MED20: variants seen among roughly 807,000 people sequenced by gnomAD.
MED20 encodes mediator complex subunit 20, also known as mediator of RNA polymerase II transcription subunit 20.
A neutral mutation model predicts 19.7 loss-of-function variants in MED20; 19 were observed. That is an observed-to-expected ratio of 0.96 (90% CI 0.67 to 1.42). MED20 has a LOEUF of 1.42. MED20 is among the 40% of genes most tolerant of loss of function. The probability of loss-of-function intolerance (pLI) is 0.00; values close to 1 mark genes in which losing one functional copy is unlikely to be tolerated. For missense variants in MED20, 225 were observed against 273.0 expected, an observed-to-expected ratio of 0.82 and a Z score of 1.24; for synonymous variants, 105 against 104.8, an observed-to-expected ratio of 1.00 and a Z score of -0.01.
Position 41,909,334 on chromosome 6 carries a change from A to T in MED20, c.358T>A (p.Cys120Ser), listed in dbSNP as rs1357164982. 3.3e-5 allele frequency: 54 copies of T among 1,614,010 alleles called. No homozygotes were observed. The highest frequency in any genetic ancestry group is 4.4e-5 in the Non-Finnish European group (52 of 1,180,026). The change falls in exon 3 of 4, where the codon TGT becomes AGT. Residue 120 changes from cysteine to serine, a missense_variant. Physicochemically the swap from Cys to Ser is moderately radical, Grantham distance 112. Coordinates refer to ENST00000265350, the MANE Select transcript of MED20 (RefSeq NM_004275.5). Reference protein sequence around the residue: ...IETRGTRYQYCDFLVKVGTVT... With the variant: ...IETRGTRYQYSDFLVKVGTVT... Reference sequence around the variant, plus strand: ...GTGCCCACCTTCACCAGGAAGTCACAGTACTGGTACCTGGTGCCCCGGGTC... The same window carrying T: ...GTGCCCACCTTCACCAGGAAGTCACTGTACTGGTACCTGGTGCCCCGGGTC...
At chr6:41,914,848 G>A (rs1183970668) in intron 2 of MED20, among the ~76,000 whole-genome samples, 1 of 152,190 alleles carries the variant, frequency 6.6e-6, no homozygotes, top group African/African-American at 2.4e-5. Flanking sequence ...CCAATGGTTA[G>A]GTGTAAGAAA....
At chr6:41,914,587 T>C (rs1775269194) in intron 2 of MED20, among the ~76,000 whole-genome samples, 3 of 151,632 alleles carry the variant, frequency 2.0e-5, no homozygotes. Context: ...GAGCCAAGAC[T>C]AAGACAAACA....
rs1204907309 is a variant in MED20 at position 41,905,939 on chromosome 6, C to T, written c.*1133G>A. The T allele has an allele frequency of 6.6e-6, 1 of 152,208 alleles. No homozygotes were observed. The highest frequency in any genetic ancestry group is 6.5e-5 in the Admixed American group (1 of 15,276). The allele number at this position is 152,208 out of a possible 1,614,324, so 9.4% of individuals were successfully genotyped here. ...ACTTAGCTCAAAGCGGCTCTGAGATCAGCCCTTCTCTCAAGTCAACTCATA... is the reference window on the plus strand; with the variant it reads ...ACTTAGCTCAAAGCGGCTCTGAGATTAGCCCTTCTCTCAAGTCAACTCATA... On this transcript the variant is annotated 3_prime_UTR_variant, in exon 4 of 4. Transcript: ENST00000265350.
At chr6:41,911,683 G>C (rs914655937) in intron 2 of MED20, among the ~76,000 whole-genome samples, 1 of 151,994 alleles carries the variant, frequency 6.6e-6, no homozygotes, top group Non-Finnish European at 1.5e-5. Context: ...AACTGAAAAG[G>C]GTGCGAGGGC....
chr6:41,917,399 T>TAAA, intron 1 of MED20: 3 of 158,498 alleles, frequency 1.9e-5, no homozygotes, highest in Admixed American at 6.0e-5. Context: ...GACGCCATCT[T>TAAA]AAAAAAAAAA....
chr6:41,916,950 G>A lies in MED20; in HGVS notation c.15-11C>T. The A allele has an allele frequency of 6.2e-7, 1 of 1,613,696 alleles. No homozygotes were observed. Among genetic ancestry groups the A allele is most frequent in the Non-Finnish European group, 8.5e-7 (1 of 1,179,898 alleles). ...GGCATCTGGGACACACTGGAAAGGAGAGCACCAAATCGTCAGTTATCCAGA... is the reference window on the plus strand; with the variant it reads ...GGCATCTGGGACACACTGGAAAGGAAAGCACCAAATCGTCAGTTATCCAGA... On this transcript the variant is annotated splice_polypyrimidine_tract_variant and intron_variant, in intron 1 of 3. Coordinates refer to ENST00000265350, the MANE Select transcript of MED20 (RefSeq NM_004275.5).
Position 41,918,118 on chromosome 6 carries a change from G to A in MED20, c.15-1179C>T, listed in dbSNP as rs1346063489. Among the ~76,000 whole-genome samples, 4 of 152,258 alleles carry A rather than the reference G, an allele frequency of 2.6e-5. No individual in the cohort carries two copies. In the East Asian group the frequency reaches 7.7e-4, roughly 29 times the overall value. Reference sequence around the variant, plus strand: ...AGGTAACCAACTGCCAACCAACAACGTGCCAGACTGCATCCTAAGGCCTTT... The same window carrying A: ...AGGTAACCAACTGCCAACCAACAACATGCCAGACTGCATCCTAAGGCCTTT... On this transcript the variant is annotated intron_variant, in intron 1 of 3. Transcript: ENST00000265350.
Position 41,905,761 on chromosome 6 carries a change from AC to A in MED20, c.*1310del, listed in dbSNP as rs1266350450. On this transcript the variant is annotated 3_prime_UTR_variant, in exon 4 of 4. Transcript: ENST00000265350. The stretch of plus-strand genomic sequence containing the variant: ...TATGTAGTTTGGAGGCTCAAATGAA[AC>A]AGGAGAAAGAGCTCAGGAACCATGA... 3 of 152,244 alleles carry A rather than the reference AC, an allele frequency of 2.0e-5. No individual in the cohort carries two copies. Among genetic ancestry groups the A allele is most frequent in the Non-Finnish European group, 4.4e-5 (3 of 68,058 alleles). The allele number at this position is 152,244 out of a possible 1,614,324, so 9.4% of individuals were successfully genotyped here.
intron 3 of MED20, 45 bp downstream of exon 3, chr6:41,909,224 C>T (rs776283808): frequency 6.3e-7 from 1 of 1,583,446 alleles, no homozygotes; most frequent in South Asian, 1.1e-5. Context: ...CTTTGCTAAG[C>T]AGCCCCCTCA....
Position 41,907,301 on chromosome 6 carries a change from GCA to G in MED20, c.424-16_424-15del. 6.2e-7 allele frequency: 1 copy of G among 1,602,528 alleles called. No homozygotes were observed. Among genetic ancestry groups the G allele is most frequent in the Non-Finnish European group, 8.5e-7 (1 of 1,174,098 alleles). On this transcript the variant is annotated splice_polypyrimidine_tract_variant and intron_variant, in intron 3 of 3. Coordinates refer to ENST00000265350, the MANE Select transcript of MED20 (RefSeq NM_004275.5). Reference sequence around the variant, plus strand: ...GCCATACTCCACCTGGGAACCAAAAGCACAGAGAATGAGGGTGAATGAAGGCT... The same window carrying G: ...GCCATACTCCACCTGGGAACCAAAAGCAGAGAATGAGGGTGAATGAAGGCT...
Position 41,920,950 on chromosome 6 carries a change from T to C in MED20, c.14+55A>G, listed in dbSNP as rs1775448780. The C allele has an allele frequency of 3.1e-5, 50 of 1,592,180 alleles. 1 individual carries two copies. In the South Asian group the frequency reaches 5.1e-4, roughly 16 times the overall value. ...ACGGCGGACCATGGTCAAGGTCCTC[T>C]TTCCGGCCTTTCACAACTCCAAGCC... On this transcript the variant is annotated intron_variant, in intron 1 of 3. Transcript: ENST00000265350.
At chr6:41,908,991 T>C (rs1775121308) in intron 3 of MED20, 2 of 468,950 alleles carry the variant, frequency 4.3e-6, no homozygotes, top group Admixed American at 3.7e-5. Context: ...GAGATCAGCC[T>C]GGGCAACATA....
At position 41,921,113 on chromosome 6, in the gene MED20, C is replaced by T; in HGVS notation, c.-95G>A. 3 of 1,530,338 alleles carry T rather than the reference C, an allele frequency of 2.0e-6. No homozygotes were observed. The highest frequency in any genetic ancestry group is 2.7e-6 in the Non-Finnish European group (3 of 1,119,594). 94.8% of individuals were successfully genotyped at this position (1,530,338 alleles called of 1,614,324 possible). On this transcript the variant is annotated 5_prime_UTR_variant, in exon 1 of 4. Transcript: ENST00000265350. ...TCCTTCAGTTCCCCAACACAACCTT[C>T]TGTCTCAGAAGGGACTCCGGAAATA...
intron 2 of MED20, among the ~76,000 whole-genome samples, chr6:41,915,525 C>G (rs1246584249): frequency 6.6e-6 from 1 of 151,978 alleles, no homozygotes; most frequent in Non-Finnish European, 1.5e-5. Context: ...CGGTGGCTCA[C>G]GCCTATAATC....
intron 3 of MED20, among the ~76,000 whole-genome samples, 156 bp from the exon 4 acceptor site, chr6:41,907,443 A>C (rs754884039): frequency 2.6e-5 from 4 of 152,148 alleles, no homozygotes; most frequent in Non-Finnish European, 5.9e-5. Flanking sequence ...CATTCAACCT[A>C]AACACTGGGC....
At chr6:41,920,550 T>C (rs912191122) in intron 1 of MED20, among the ~76,000 whole-genome samples, 1 of 152,104 alleles carries the variant, frequency 6.6e-6, no homozygotes, top group Non-Finnish European at 1.5e-5. Context: ...GATAGGTTCC[T>C]GGGATAAAAA....
intron 1 of MED20, among the ~76,000 whole-genome samples, chr6:41,920,455 C>G (rs1026119790): frequency 1.3e-5 from 2 of 152,188 alleles, no homozygotes; most frequent in African/African-American, 4.8e-5. Flanking sequence ...GACCCTATTT[C>G]CAACCCTGAG....
chr6:41,911,567 C>T (rs752561880), intron 2 of MED20, among the ~76,000 whole-genome samples: 2 of 151,986 alleles, frequency 1.3e-5, no homozygotes, highest in Non-Finnish European at 1.5e-5. Context: ...TTAAAATGAA[C>T]AAGTCAGCAG....
chr6:41,918,575 A>G (rs1177083831), intron 1 of MED20, among the ~76,000 whole-genome samples: 2 of 151,948 alleles, frequency 1.3e-5, no homozygotes, highest in Non-Finnish European at 2.9e-5. Context: ...GCACTTTGGG[A>G]GGCCAAGGCG....
Sources: gnomAD v4.1 joint callset for allele counts (sites outside exome capture counted in the v4.1 genomes callset) on GRCh38, gnomAD v4.1.1 for gene constraint, MANE v1.5 for transcripts, NCBI Gene and HGNC (gene_info 2026-07-23, HGNC 2026-07-21) for gene names.